DNMT1: variants seen among roughly 807,000 people sequenced by gnomAD.
The protein encoded by DNMT1 is DNA (cytosine-5)-methyltransferase 1.
In DNMT1, 24 loss-of-function variants were observed where a neutral mutation model predicts 205.3. The observed-to-expected ratio is 0.12, with a 90% CI of 0.08 to 0.16. DNMT1 has a LOEUF of 0.16. DNMT1 is among the 10% of genes least tolerant of loss of function. The pLI is 1.00. For synonymous variants in DNMT1, 817 were observed against 839.8 expected (o/e 0.97, Z 0.47); for missense variants, 1,293 against 2,177.7 (o/e 0.59, Z 8.09).
intron 40 of DNMT1, 48 bp downstream of exon 40, chr19:10,134,169 C>A (rs199858932): frequency 3.7e-6 from 6 of 1,604,108 alleles, no homozygotes; most frequent in African/African-American, 2.7e-5. Flanking sequence ...ACATGTACCC[C>A]CAGAGGGCAG....
chr19:10,181,998 CAG>C, intron 2 of DNMT1, 41 bp downstream of exon 2: 3 of 1,559,900 alleles, frequency 1.9e-6, no homozygotes, highest in Non-Finnish European at 2.6e-6. Context: ...CAAAGTGTGT[CAG>C]TCAGATTTGG....
intron 39 of DNMT1, 181 bp downstream of exon 39, chr19:10,135,555 G>A (rs904969436): frequency 1.5e-6 from 1 of 669,176 alleles, no homozygotes; most frequent in African/African-American, 1.8e-5. Flanking sequence ...TAGGGACGCA[G>A]CCTGACTCGG....
chr19:10,141,420 C>T, intron 30 of DNMT1: 1 of 543,712 alleles, frequency 1.8e-6, no homozygotes, highest in East Asian at 3.3e-5. Context: ...ATTACAAGCA[C>T]TTGAGAGTAC....
Position 10,140,538 on chromosome 19 carries a change from T to C in DNMT1, c.3524-210A>G. On this transcript the variant is annotated intron_variant, in intron 32 of 40. Coordinates refer to ENST00000359526, the MANE Select transcript of DNMT1 (RefSeq NM_001130823.3). The surrounding 1 kb of genome is among the most constrained non-coding windows in gnomAD (Gnocchi z 8.4). ...GCACACACCACCACGCCCAGCTAATTTTTGTATTCTTATTAGAGACGGGGT... is the reference window on the plus strand; with the variant it reads ...GCACACACCACCACGCCCAGCTAATCTTTGTATTCTTATTAGAGACGGGGT... The C allele has an allele frequency of 1.1e-6, 1 of 905,916 alleles. No homozygotes were observed. Among genetic ancestry groups the C allele is most frequent in the East Asian group, 2.7e-5 (1 of 37,540 alleles). 56.1% of individuals were successfully genotyped at this position (905,916 alleles called of 1,614,324 possible).
intron 22 of DNMT1, among the ~76,000 whole-genome samples, chr19:10,153,151 G>A (rs935900938): frequency 2.0e-5 from 3 of 152,130 alleles, no homozygotes; most frequent in African/African-American, 7.2e-5. Flanking sequence ...ACCCAGCAAC[G>A]CTACTTCTAA....
chr19:10,187,043 C>T (rs919183445), intron 1 of DNMT1, among the ~76,000 whole-genome samples: 5 of 151,658 alleles, frequency 3.3e-5, no homozygotes, highest in Non-Finnish European at 5.9e-5. Flanking sequence ...AAGAAACAAA[C>T]GTGAGACTGG....
intron 29 of DNMT1, 45 bp downstream of exon 29, chr19:10,143,721 T>G: frequency 6.2e-7 from 1 of 1,607,420 alleles, no homozygotes. Context: ...CAGAGCCTTC[T>G]AGAAGAGTCT....
rs753297542 is a variant in DNMT1, at chr19:10,194,947, T to G, written c.-48A>C. 14 of 1,567,492 alleles carry G rather than the reference T, an allele frequency of 8.9e-6. No homozygotes were observed. In the East Asian group the frequency reaches 3.2e-4, roughly 36 times the overall value. ...GCGGCGGCAGCGCAGGCGCCCCGGC[T>G]TTTCGCGCGGAAACCGATGGGGAGG... On this transcript the variant is annotated 5_prime_UTR_variant, in exon 1 of 41. Transcript: ENST00000359526.
At chr19:10,148,116 C>CAAAAAAAAAAAAAAAAAAAAAAAATAAAA (rs35310173) in intron 27 of DNMT1, among the ~76,000 whole-genome samples, 1 of 59,294 alleles carries the variant, frequency 1.7e-5, no homozygotes, top group Non-Finnish European at 3.1e-5. Context: ...AACTCTGTCT[C>CAAAAAAAAAAAAAAAAAAAAAAAATAAAA]AAAAAAAAAA....
chr19:10,183,001 A>G (rs561857789), intron 1 of DNMT1, among the ~76,000 whole-genome samples: 13 of 150,312 alleles, frequency 8.6e-5, no homozygotes, highest in South Asian at 2.1e-4. Flanking sequence ...ATACACGTAT[A>G]TGTGTGTATA....
At chr19:10,144,227 G>C (rs2089656040) in intron 28 of DNMT1, 6 of 494,820 alleles carry the variant, frequency 1.2e-5, no homozygotes, top group Non-Finnish European at 2.2e-5. Flanking sequence ...GGCCAACACG[G>C]TAAAACCCTG....
Position 10,146,417 on chromosome 19 carries a change from G to T in DNMT1, c.2828C>A (p.Thr943Asn). The T allele has an allele frequency of 6.2e-7, 1 of 1,614,152 alleles. No homozygotes were observed. Among genetic ancestry groups the T allele is most frequent in the Non-Finnish European group, 8.5e-7 (1 of 1,180,042 alleles). Residue 943 changes from threonine (T) to asparagine (N), a missense_variant, in exon 28 of 41, where the codon ACC (threonine) becomes AAC (asparagine). Thr to Asn is a moderately conservative substitution (Grantham distance 65, BLOSUM62 0). Coordinates refer to ENST00000359526, the MANE Select transcript of DNMT1 (RefSeq NM_001130823.3). This position sits in a 1 kb window ranked among gnomAD's most constrained non-coding sequence, Gnocchi z 4.4. ...AACTCGGTACAGGATGCCGTTCTTG[G>T]TGGCTGAGTAGTAGAGGACCCGGCT... is the stretch of plus-strand genomic sequence containing the variant. ...LDSRVLYYSA[T>N]KNGILYRVGD...
In DNMT1 at chr19:10,148,927, C is replaced by T. The variant is rs2038268290; in HGVS notation, c.2677G>A (p.Glu893Lys). 1.9e-6 allele frequency: 3 copies of T among 1,614,046 alleles called. No homozygotes were observed. Among genetic ancestry groups the T allele is most frequent in the Non-Finnish European group, 1.7e-6 (2 of 1,180,040 alleles). ...GTTGGCTGGGTTTTTGGAGGGGACTCGAATCTCGCGTAGTCTTGATCATAC... is the reference window on the plus strand; with the variant it reads ...GTTGGCTGGGTTTTTGGAGGGGACTTGAATCTCGCGTAGTCTTGATCATAC... ...LWYDQDYARF[E>K]SPPKTQPTED... The change falls in exon 27 of 41, where the codon GAG becomes AAG. Residue 893 changes from glutamate to lysine, a missense_variant. Glu to Lys is a moderately conservative substitution (Grantham distance 56). Coordinates refer to ENST00000359526, the MANE Select transcript of DNMT1 (RefSeq NM_001130823.3).
chr19:10,134,365 G>A (rs1374770770), intron 39 of DNMT1, 58 bp from the exon 40 acceptor site: 4 of 1,533,806 alleles, frequency 2.6e-6, no homozygotes, highest in African/African-American at 2.7e-5. Flanking sequence ...AGGCCCGGGG[G>A]CAGGTGTACT....
At position 10,175,533 on chromosome 19, in the gene DNMT1, G is replaced by A. The variant is rs763555942; in HGVS notation, c.648+7C>T. The A allele has an allele frequency of 1.9e-5, 31 of 1,613,976 alleles. No individual in the cohort carries two copies. In the South Asian group the frequency reaches 3.4e-4, roughly 18 times the overall value. On this transcript the variant is annotated splice_region_variant and intron_variant, in intron 7 of 40. Coordinates refer to ENST00000359526, the MANE Select transcript of DNMT1 (RefSeq NM_001130823.3). Reference sequence around the variant, plus strand: ...GTAGAGTCAGGAAATGAAAGCACTGGCCCTACCTGGTCTTTGTCTTCTTCC... The same window carrying A: ...GTAGAGTCAGGAAATGAAAGCACTGACCCTACCTGGTCTTTGTCTTCTTCC...
Position 10,163,334 on chromosome 19 carries a change from G to A in DNMT1, c.918C>T (p.Pro306=). 1.2e-6 allele frequency: 2 copies of A among 1,613,960 alleles called. No individual in the cohort carries two copies. Among genetic ancestry groups the A allele is most frequent in the Non-Finnish European group, 1.7e-6 (2 of 1,179,970 alleles). ...EKDEKKHRSQ[P]KDLAAKRRPE... is the part of the protein sequence containing the mutation. ...GCATTTTAAACACTTACAGATCTTT[G>A]GGTTGACTTCTGTGCTTCTTCTCAT... Residue 306 remains proline, a synonymous_variant, in exon 12 of 41, where the codon CCC becomes CCT. Coordinates refer to ENST00000359526, the MANE Select transcript of DNMT1 (RefSeq NM_001130823.3).
In DNMT1 at chr19:10,138,479, C is replaced by T. The variant is rs765098980; in HGVS notation, c.4075G>A (p.Val1359Met). The change falls in exon 35 of 41, where the codon GTG becomes ATG. Residue 1359 changes from valine to methionine, a missense_variant. Coordinates refer to ENST00000359526, the MANE Select transcript of DNMT1 (RefSeq NM_001130823.3). This position sits in a 1 kb window ranked among gnomAD's most constrained non-coding sequence, Gnocchi z 4.1. ...ACAAACTTCTTGTCATCCACCACCA[C>T]GCTCAGCTGGCAGGCCCGGGGAGCA... ...VFAPRACQLS[V>M]VVDDKKFVSN... 6 of 1,613,948 alleles carry T rather than the reference C, an allele frequency of 3.7e-6. No homozygotes were observed. The highest frequency in any genetic ancestry group is 1.1e-5 in the South Asian group (1 of 91,086).
chr19:10,176,473 A>G (rs763572945), intron 6 of DNMT1, among the ~76,000 whole-genome samples: 1 of 152,240 alleles, frequency 6.6e-6, no homozygotes, highest in Non-Finnish European at 1.5e-5. Context: ...CCACAAAGGG[A>G]AAAACGTAAA....
In DNMT1 at chr19:10,140,914, G is replaced by A; in HGVS notation, c.3395-5C>T. 8 of 1,613,928 alleles carry A rather than the reference G, an allele frequency of 5.0e-6. No individual in the cohort carries two copies. The highest frequency in any genetic ancestry group is 5.9e-6 in the Non-Finnish European group (7 of 1,180,032). Reference sequence around the variant, plus strand: ...GGGACTTGGGCTTGCCCTTCCCTGGGGGAGAGAGGCCAGAGGCTAAACCCG... The same window carrying A: ...GGGACTTGGGCTTGCCCTTCCCTGGAGGAGAGAGGCCAGAGGCTAAACCCG... On this transcript the variant is annotated splice_polypyrimidine_tract_variant and splice_region_variant and intron_variant, in intron 31 of 40. Coordinates refer to ENST00000359526, the MANE Select transcript of DNMT1 (RefSeq NM_001130823.3). The surrounding 1 kb of genome is among the most constrained non-coding windows in gnomAD (Gnocchi z 8.4).
Sources: gnomAD v4.1 joint callset for allele counts (sites outside exome capture counted in the v4.1 genomes callset) on GRCh38, gnomAD v4.1.1 for gene constraint, Gnocchi (gnomAD v3.1) non-coding constraint, MANE v1.5 for transcripts, NCBI Gene and HGNC (gene_info 2026-07-23, HGNC 2026-07-21) for gene names.